Variants in TOP3A observed in about 807,000 individuals in gnomAD.
TOP3A encodes the protein DNA topoisomerase 3-alpha.
TOP3A carries 64 observed loss-of-function variants against 111.3 expected under a neutral mutation model. The ratio of observed to expected loss-of-function variants is 0.57; its 90% CI spans 0.47 to 0.71. The LOEUF (loss-of-function observed/expected upper bound fraction) is 0.71. Ranked by LOEUF, TOP3A falls within the 30% of genes least tolerant of loss-of-function variation. The probability of loss-of-function intolerance (pLI) is 0.00; values close to 1 mark genes in which losing one functional copy is unlikely to be tolerated. For missense variants in TOP3A, 1,104 were observed against 1,285.0 expected (o/e 0.86, Z 2.15); for synonymous variants, 484 against 485.1 (o/e 1.00, Z 0.03).
intron 4 of TOP3A, 30 bp downstream of exon 4, chr17:18,306,861 C>T: frequency 7.0e-7 from 1 of 1,431,446 alleles, no homozygotes; most frequent in African/African-American, 1.4e-5. Context: ...TGGTTTGACT[C>T]AGTGCCATAT....
chr17:18,309,903 G>C (rs988593000), intron 1 of TOP3A, among the ~76,000 whole-genome samples: 5 of 150,256 alleles, frequency 3.3e-5, no homozygotes, highest in African/African-American at 1.2e-4. Context: ...GTAGAGATGG[G>C]GTTTCACCGT....
intron 10 of TOP3A, among the ~76,000 whole-genome samples, chr17:18,293,363 G>A (rs947967843): frequency 2.7e-5 from 4 of 150,818 alleles, no homozygotes; most frequent in African/African-American, 9.8e-5. Flanking sequence ...TTGGCTCACT[G>A]TGGCCTCCGT....
At chr17:18,291,571 GT>G (rs2142964558) in intron 11 of TOP3A, among the ~76,000 whole-genome samples, 1 of 152,298 alleles carries the variant, frequency 6.6e-6, no homozygotes, top group Non-Finnish European at 1.5e-5. Context: ...GTCTACAAAT[GT>G]TAACTATAGT....
Position 18,305,104 on chromosome 17 carries a change from G to A in TOP3A, c.499+8C>T. ...GTAGAGAAAGTCAGCAGCAGCAGCA[G>A]CACTTACCAGCCTTACACACGTGGA... On this transcript the variant is annotated splice_region_variant and intron_variant, in intron 5 of 18. Transcript: ENST00000321105. 1 of 1,607,208 alleles carries A rather than the reference G, an allele frequency of 6.2e-7. No homozygotes were observed. The highest frequency in any genetic ancestry group is 8.5e-7 in the Non-Finnish European group (1 of 1,173,696).
intron 3 of TOP3A, 182 bp from the exon 4 acceptor site, chr17:18,307,148 A>G (rs1567751663): frequency 8.2e-6 from 4 of 486,180 alleles, no homozygotes; most frequent in Non-Finnish European, 1.5e-5. Context: ...GAGTGTGAAC[A>G]GGACTGATAA....
chr17:18,286,696 T>C (rs989705534), intron 13 of TOP3A, among the ~76,000 whole-genome samples: 1 of 152,198 alleles, frequency 6.6e-6, no homozygotes, highest in Non-Finnish European at 1.5e-5. Flanking sequence ...TGGTGGTTCC[T>C]AAAAATGTTA....
At chr17:18,304,205 T>G (rs1189596950) in intron 5 of TOP3A, among the ~76,000 whole-genome samples, 1 of 152,168 alleles carries the variant, frequency 6.6e-6, no homozygotes, top group Non-Finnish European at 1.5e-5. Flanking sequence ...CCTCAGGAGA[T>G]CCACCTGCCT....
At position 18,288,131 on chromosome 17, in the gene TOP3A, TTA is replaced by T. The variant is rs142429216; in HGVS notation, c.1597+2424_1597+2425del. On this transcript the variant is annotated intron_variant, in intron 13 of 18. Transcript: ENST00000321105. ...GGTATATAAATAAAGCTGTTAATAATTATATATATATATATATAAATTTTTTT... is the reference window on the plus strand; with the variant it reads ...GGTATATAAATAAAGCTGTTAATAATTATATATATATATATAAATTTTTTT... Among the ~76,000 whole-genome samples, 206 of 122,710 alleles carry T rather than the reference TTA, an allele frequency of 1.7e-3. 4 individuals are homozygous for T. Among genetic ancestry groups the T allele is most frequent in the African/African-American group, 6.2e-3 (184 of 29,512 alleles). 80.5% of individuals were successfully genotyped at this position (122,710 alleles called of 152,430 possible).
chr17:18,297,573 C>A (rs1213967817), intron 9 of TOP3A, among the ~76,000 whole-genome samples: 4 of 152,214 alleles, frequency 2.6e-5, no homozygotes, highest in Non-Finnish European at 5.9e-5. Flanking sequence ...CAGGCGCGCG[C>A]CGCCACACCT....
intron 18 of TOP3A, among the ~76,000 whole-genome samples, chr17:18,275,317 G>A (rs1362954803): frequency 3.3e-4 from 33 of 100,332 alleles, no homozygotes; most frequent in South Asian, 1.4e-3. Flanking sequence ...AAAAAAAAAA[G>A]AGCAGCAGAC....
At chr17:18,280,711 T>C (rs1597956986) in intron 16 of TOP3A, 53 bp from the exon 17 acceptor site, 1 of 1,598,740 alleles carries the variant, frequency 6.3e-7, no homozygotes. Context: ...TGCTCTCCGC[T>C]GTTGGCCATC....
chr17:18,275,768 C>G (rs1007366071), intron 18 of TOP3A, among the ~76,000 whole-genome samples: 1 of 151,674 alleles, frequency 6.6e-6, no homozygotes, highest in Non-Finnish European at 1.5e-5. Context: ...ATTGTCCTGT[C>G]TCAGCCTCCC....
intron 13 of TOP3A, among the ~76,000 whole-genome samples, chr17:18,288,131 T>TTTTATATATATATATATA (rs143028955): frequency 2.4e-5 from 3 of 122,736 alleles, no homozygotes; most frequent in South Asian, 2.3e-4. Context: ...CTGTTAATAA[T>TTTTATATATATATATATA]TATATATATA....
At position 18,314,841 on chromosome 17, in the gene TOP3A, G is replaced by GTTA; in HGVS notation, c.-64_-63insTAA. 1 of 1,341,272 alleles carries GTTA rather than the reference G, an allele frequency of 7.5e-7. No homozygotes were observed. The highest frequency in any genetic ancestry group is 9.7e-7 in the Non-Finnish European group (1 of 1,035,172). 83.1% of individuals were successfully genotyped at this position (1,341,272 alleles called of 1,614,324 possible). The stretch of plus-strand genomic sequence containing the variant: ...GGCGCATCCTGGGGAAGCCAGAGAT[G>GTTA]AGGCTCAAATGGCGCCCACCGAAAG... On this transcript the variant is annotated 5_prime_UTR_variant, in exon 1 of 19. Coordinates refer to ENST00000321105, the MANE Select transcript of TOP3A (RefSeq NM_004618.5).
At chr17:18,284,477 G>T (rs1042707586) in intron 15 of TOP3A, among the ~76,000 whole-genome samples, 2 of 152,198 alleles carry the variant, frequency 1.3e-5, no homozygotes, top group Middle Eastern at 3.4e-3. Flanking sequence ...CAACCAGACC[G>T]ATCCCAAGGC....
chr17:18,312,651 T>C (rs1567754824), intron 1 of TOP3A: 1 of 179,908 alleles, frequency 5.6e-6, no homozygotes, highest in Non-Finnish European at 1.2e-5. Context: ...GCCACTAAAC[T>C]GGGTTAAGTA....
chr17:18,314,150 G>C (rs76113847), intron 1 of TOP3A, among the ~76,000 whole-genome samples: 2,380 of 152,330 alleles, frequency 0.016, 65 homozygotes, highest in African/African-American at 0.054. Flanking sequence ...TGCAGTGGCT[G>C]TGGCACAGGA....
At chr17:18,285,365 C>A (rs376758264) in intron 14 of TOP3A, 42 bp downstream of exon 14, 7 of 1,612,644 alleles carry the variant, frequency 4.3e-6, no homozygotes, top group East Asian at 2.2e-5. Context: ...GGGACTTGGG[C>A]GACACCACCC....
intron 18 of TOP3A, among the ~76,000 whole-genome samples, chr17:18,275,733 A>C (rs1479701981): frequency 6.8e-6 from 1 of 147,462 alleles, no homozygotes; most frequent in East Asian, 2.0e-4. Flanking sequence ...GGCTCACTGC[A>C]AGCTCCGCCT....
Sources: gnomAD v4.1 joint callset for allele counts (sites outside exome capture counted in the v4.1 genomes callset) on GRCh38, gnomAD v4.1.1 for gene constraint, MANE v1.5 for transcripts, NCBI Gene and HGNC (gene_info 2026-07-23, HGNC 2026-07-21) for gene names.